MYH14: variants seen among roughly 807,000 people sequenced by gnomAD.
MYH14 encodes the protein myosin heavy chain 14, also known as myosin-14.
A neutral mutation model predicts 255.5 loss-of-function variants in MYH14; 123 were observed. The ratio of observed to expected loss-of-function variants is 0.48; its 90% confidence interval spans 0.42 to 0.56. MYH14 has a LOEUF of 0.56. Ranked by LOEUF, MYH14 falls within the 20% of genes least tolerant of loss-of-function variation. The pLI is 0.00. For missense variants in MYH14, 2,423 were observed against 2,802.3 expected, an observed-to-expected ratio of 0.86 and a Z score of 3.06; for synonymous variants, 1,095 against 1,161.2, an observed-to-expected ratio of 0.94 and a Z score of 1.16.
At position 50,281,650 on chromosome 19, in the gene MYH14, G is replaced by A; in HGVS notation, c.4347G>A (p.Glu1449=). 1 of 1,607,888 alleles carries A rather than the reference G, an allele frequency of 6.2e-7. No homozygotes were observed. The highest frequency in any genetic ancestry group is 8.5e-7 in the Non-Finnish European group (1 of 1,177,398). ...AGGCAGGGGCACTGGAGGCAGGGGA[G>A]GAGGCACGGCGCCGGGCAGCCCGGG... ...EEEAGALEAG[E]EARRRAAREA... The change falls in exon 33 of 43, where the codon GAG becomes GAA. Residue 1449 remains glutamate (E), a synonymous_variant. Transcript: ENST00000642316.
intron 6 of MYH14, among the ~76,000 whole-genome samples, chr19:50,224,522 T>G (rs2123208945): frequency 6.6e-6 from 1 of 152,348 alleles, no homozygotes; most frequent in Middle Eastern, 3.4e-3. Flanking sequence ...CCAAGTCATG[T>G]GCCCTTCACT....
chr19:50,307,205 C>A, intron 41 of MYH14, 48 bp downstream of exon 41: 2 of 1,199,786 alleles, frequency 1.7e-6, no homozygotes, highest in Non-Finnish European at 2.4e-6. Flanking sequence ...TGACCACTGG[C>A]TGAGAAATTG....
intron 42 of MYH14, chr19:50,309,435 G>C (rs2036770033): frequency 1.6e-6 from 1 of 617,004 alleles, no homozygotes; most frequent in Non-Finnish European, 2.9e-6. Flanking sequence ...CCTCCTCTCT[G>C]TGTGTCCTTC....
In MYH14 at chr19:50,267,089, G is replaced by C. The variant is rs997344019; in HGVS notation, c.2826+81G>C. ...ATGGGTGGAGCCAGGTGTGAGGGGCGGGGCTTCCGGCTGAGCCAGCCTGTG... is the reference window on the plus strand; with the variant it reads ...ATGGGTGGAGCCAGGTGTGAGGGGCCGGGCTTCCGGCTGAGCCAGCCTGTG... On this transcript the variant is annotated intron_variant, in intron 23 of 42. Coordinates refer to ENST00000642316, the MANE Select transcript of MYH14 (RefSeq NM_001145809.2). 3.2e-5 allele frequency: 43 copies of C among 1,351,224 alleles called. 1 individual carries two copies. The highest frequency in any genetic ancestry group is 4.1e-5 in the Non-Finnish European group (41 of 994,714). 83.7% of individuals were successfully genotyped at this position (1,351,224 alleles called of 1,614,324 possible). A position where few individuals can be genotyped will look rare whatever the true frequency, so the allele number is the denominator to read the frequency against.
intron 2 of MYH14, among the ~76,000 whole-genome samples, chr19:50,216,974 AT>A (rs35911084): frequency 6.6e-6 from 1 of 150,810 alleles, no homozygotes; most frequent in South Asian, 2.1e-4. Context: ...CACCTGGCTA[AT>A]TTTTTTTGTA....
Position 50,223,127 on chromosome 19 carries a change from G to A in MYH14, c.590+17G>A. 8 of 1,613,604 alleles carry A rather than the reference G, an allele frequency of 5.0e-6. No individual in the cohort carries two copies. The highest frequency in any genetic ancestry group is 6.8e-6 in the Non-Finnish European group (8 of 1,179,544). On this transcript the variant is annotated intron_variant, in intron 4 of 42. Transcript: ENST00000642316. ...TCTCTGCACGTGAGTAATCTGGAAG[G>A]ACTTCCTGGAGGAGGAGAGGTCTGG... is the stretch of plus-strand genomic sequence containing the variant.
chr19:50,278,670 C>T (rs982664360), intron 30 of MYH14, among the ~76,000 whole-genome samples: 2 of 151,966 alleles, frequency 1.3e-5, no homozygotes, highest in Non-Finnish European at 2.9e-5. Flanking sequence ...TGCCACTGCA[C>T]TCTAGCCTGG....
chr19:50,212,751 G>A (rs2032265609), intron 2 of MYH14, among the ~76,000 whole-genome samples: 1 of 152,082 alleles, frequency 6.6e-6, no homozygotes, highest in Admixed American at 6.6e-5. Context: ...GTGGTGGCAG[G>A]TGTGGAATTT....
chr19:50,227,089 T>A, intron 8 of MYH14, 123 bp downstream of exon 8: 1 of 476,918 alleles, frequency 2.1e-6, no homozygotes. Flanking sequence ...GACCTGATGC[T>A]CAGGCGGCAT....
rs558177370 is a variant in MYH14, at chr19:50,273,237, G to A, written c.3467+506G>A. On this transcript the variant is annotated intron_variant, in intron 27 of 42. Coordinates refer to ENST00000642316, the MANE Select transcript of MYH14 (RefSeq NM_001145809.2). ...ACCCAGGAGGCAGAGGTTGCAGTGA[G>A]CCGAGATCACACCACTGCACTCTAG... 1.4e-3 allele frequency among the ~76,000 whole-genome samples: 187 copies of A among 136,556 alleles called. 1 individual carries two copies. The highest frequency in any genetic ancestry group is 5.1e-3 in the African/African-American group (182 of 35,428). 89.6% of individuals were successfully genotyped at this position (136,556 alleles called of 152,430 possible). A position where few individuals can be genotyped will look rare whatever the true frequency, so the allele number is the denominator to read the frequency against.
At chr19:50,216,671 G>A (rs1357417577) in intron 2 of MYH14, among the ~76,000 whole-genome samples, 2 of 151,782 alleles carry the variant, frequency 1.3e-5, no homozygotes, top group Non-Finnish European at 2.9e-5. Context: ...TCTATTATCA[G>A]TAGAAACCGC....
chr19:50,280,505 T>C lies in MYH14; in HGVS notation c.4290+122T>C. ...TCATAGGCCAGACCCATGGGTGCCT[T>C]TCTCATCTCTGACTCCCCCTTACCC... On this transcript the variant is annotated intron_variant, in intron 32 of 42. Coordinates refer to ENST00000642316, the MANE Select transcript of MYH14 (RefSeq NM_001145809.2). The surrounding 1 kb of genome is among the most constrained non-coding windows in gnomAD (Gnocchi z 4.8). 9.3e-7 allele frequency: 1 copy of C among 1,079,594 alleles called. No individual in the cohort carries two copies. The allele number at this position is 1,079,594 out of a possible 1,614,324, so 66.9% of individuals were successfully genotyped here. A position where few individuals can be genotyped will look rare whatever the true frequency, so the allele number is the denominator to read the frequency against.
chr19:50,309,047 C>T lies in MYH14; in HGVS notation c.5830C>T (p.Leu1944=). 1 of 1,613,264 alleles carries T rather than the reference C, an allele frequency of 6.2e-7. No individual in the cohort carries two copies. The highest frequency in any genetic ancestry group is 8.5e-7 in the Non-Finnish European group (1 of 1,179,662). ...NLRVKQLKRQ[L]EEAEEEASRA... is the part of the protein sequence containing the mutation. ...TCGAGTCAAGCAGCTGAAGCGGCAG[C>T]TGGAGGAGGCCGAGGAGGAGGCATC... is the stretch of plus-strand genomic sequence containing the variant. Residue 1944 remains leucine (L), a synonymous_variant, in exon 42 of 43, where the codon CTG becomes TTG. Coordinates refer to ENST00000642316, the MANE Select transcript of MYH14 (RefSeq NM_001145809.2).
chr19:50,291,707 A>G (rs935167805), intron 36 of MYH14, among the ~76,000 whole-genome samples: 5 of 152,098 alleles, frequency 3.3e-5, no homozygotes, highest in African/African-American at 1.2e-4. Context: ...TCTACTAAAA[A>G]TACAAGAATT....
At chr19:50,232,457 G>T (rs1490902904) in intron 10 of MYH14, among the ~76,000 whole-genome samples, 1 of 152,008 alleles carries the variant, frequency 6.6e-6, no homozygotes, top group Non-Finnish European at 1.5e-5. Flanking sequence ...AGCCAGGCGT[G>T]GTGGTGGGCA....
chr19:50,236,224 T>C (rs889874797), intron 10 of MYH14, among the ~76,000 whole-genome samples: 1 of 151,840 alleles, frequency 6.6e-6, no homozygotes, highest in Non-Finnish European at 1.5e-5. Context: ...TCCCAGCTAT[T>C]TGGGGGGCTG....
intron 42 of MYH14, 113 bp from the exon 43 acceptor site, chr19:50,309,525 TTC>T: frequency 2.8e-6 from 2 of 723,674 alleles, no homozygotes; most frequent in South Asian, 1.8e-5. Flanking sequence ...CCTTATTTTG[TTC>T]TCTCTCTTCC....
At chr19:50,306,747 G>A (rs2036666095) in intron 40 of MYH14, among the ~76,000 whole-genome samples, 1 of 152,134 alleles carries the variant, frequency 6.6e-6, no homozygotes, top group South Asian at 2.1e-4. Context: ...AGAGTAAACT[G>A]TAGTTTGTAA....
At position 50,248,930 on chromosome 19, in the gene MYH14, C is replaced by T. The variant is rs141779410; in HGVS notation, c.1330-57C>T. On this transcript the variant is annotated intron_variant, in intron 12 of 42. Coordinates refer to ENST00000642316, the MANE Select transcript of MYH14 (RefSeq NM_001145809.2). The stretch of plus-strand genomic sequence containing the variant: ...GGGCCCTTCCCCGGTTCACCCCCGA[C>T]GTCTTTCAGTCTGCTGATGTGCAGG... 2.4e-4 allele frequency: 387 copies of T among 1,598,112 alleles called. No homozygotes were observed. In the East Asian group the frequency reaches 4.1e-3, roughly 17 times the overall value.
Sources: allele counts gnomAD v4.1 joint callset (sites outside exome capture counted in the v4.1 genomes callset), GRCh38; gene constraint gnomAD v4.1.1; non-coding constraint Gnocchi (gnomAD v3.1); transcripts MANE v1.5; gene names NCBI Gene and HGNC (gene_info 2026-07-23, HGNC 2026-07-21).